The following MAPK10 variants were observed in gnomAD, a reference collection of about 807,000 sequenced individuals.
MAPK10 encodes the protein mitogen-activated protein kinase 10, also known as JNK3 alpha protein kinase.
In MAPK10, 25 loss-of-function variants were observed where a neutral mutation model predicts 59.3. That is an observed-to-expected ratio of 0.42 (90% CI 0.31 to 0.59). MAPK10 has a LOEUF of 0.59. Ranked by LOEUF, MAPK10 falls within the 20% of genes least tolerant of loss-of-function variation. MAPK10 has a pLI of 0.15. For synonymous variants in MAPK10, 190 were observed against 200.5 expected (o/e 0.95, Z 0.44); for missense variants, 351 against 568.9 (o/e 0.62, Z 3.90).
At chr4:86,516,157 G>A (rs1380268566) in intron 1 of MAPK10, among the ~76,000 whole-genome samples, 1 of 151,924 alleles carries the variant, frequency 6.6e-6, no homozygotes, top group African/African-American at 2.4e-5. Flanking sequence ...CCCATTTTAT[G>A]TTTTTGTTTA....
intron 2 of MAPK10, among the ~76,000 whole-genome samples, chr4:86,237,753 T>C (rs2148678155): frequency 6.6e-6 from 1 of 152,324 alleles, no homozygotes; most frequent in Admixed American, 6.5e-5. Context: ...TAGACCTTCG[T>C]CAGATGGGTA....
intron 1 of MAPK10, among the ~76,000 whole-genome samples, chr4:86,511,074 G>T (rs1376353706): frequency 6.6e-6 from 1 of 152,224 alleles, no homozygotes; most frequent in Admixed American, 6.5e-5. Flanking sequence ...AATGTTTGAG[G>T]TGATGGATAT....
chr4:86,528,283 C>T (rs539706241), intron 1 of MAPK10, among the ~76,000 whole-genome samples: 34 of 151,612 alleles, frequency 2.2e-4, no homozygotes, highest in Middle Eastern at 3.4e-3. Context: ...TGCTATAGAA[C>T]TGATATAGAA....
intron 13 of MAPK10, among the ~76,000 whole-genome samples, chr4:86,021,225 C>T (rs964144207): frequency 6.6e-6 from 1 of 151,584 alleles, no homozygotes; most frequent in African/African-American, 2.4e-5. Context: ...TACACAGTGC[C>T]GATTGGTATA....
chr4:86,341,021 A>G (rs1724579188), intron 2 of MAPK10, among the ~76,000 whole-genome samples: 1 of 152,210 alleles, frequency 6.6e-6, no homozygotes, highest in South Asian at 2.1e-4. Context: ...CATTTGGTTC[A>G]TGACCCAAGG....
intron 2 of MAPK10, among the ~76,000 whole-genome samples, chr4:86,289,371 A>G (rs992723318): frequency 1.3e-5 from 2 of 152,112 alleles, no homozygotes; most frequent in African/African-American, 2.4e-5. Context: ...GAAAAATTAT[A>G]TGATCAGATT....
intron 1 of MAPK10, among the ~76,000 whole-genome samples, chr4:86,556,153 T>A (rs1760251066): frequency 6.6e-6 from 1 of 152,162 alleles, no homozygotes; most frequent in Admixed American, 6.5e-5. Context: ...TGAAGAAGGA[T>A]GGGAACAATT....
intron 2 of MAPK10, among the ~76,000 whole-genome samples, chr4:86,226,075 A>G (rs572159171): frequency 1.3e-5 from 2 of 152,236 alleles, no homozygotes; most frequent in Non-Finnish European, 2.9e-5. Context: ...CTTCATATAC[A>G]CTAATCAAAT....
intron 2 of MAPK10, among the ~76,000 whole-genome samples, chr4:86,307,310 G>A (rs1006185131): frequency 4.1e-4 from 63 of 152,202 alleles, no homozygotes; most frequent in African/African-American, 1.3e-3. Flanking sequence ...TTCTGATTTT[G>A]TACCTGAGAG....
intron 4 of MAPK10, among the ~76,000 whole-genome samples, chr4:86,136,443 T>C (rs1210923472): frequency 6.6e-6 from 1 of 151,436 alleles, no homozygotes; most frequent in Non-Finnish European, 1.5e-5. Flanking sequence ...CTAAGCTTCA[T>C]AAGTGAAGGA....
chr4:86,018,499 C>T (rs575432062), intron 13 of MAPK10, among the ~76,000 whole-genome samples: 3 of 152,010 alleles, frequency 2.0e-5, no homozygotes, highest in African/African-American at 7.3e-5. Flanking sequence ...ATCTGTTATG[C>T]GGGAGTATAA....
chr4:86,215,124 A>T (rs2087094399), intron 2 of MAPK10, among the ~76,000 whole-genome samples: 1 of 152,204 alleles, frequency 6.6e-6, no homozygotes, highest in African/African-American at 2.4e-5. Flanking sequence ...ACAATCAATT[A>T]ATTTTCAACC....
intron 2 of MAPK10, among the ~76,000 whole-genome samples, chr4:86,341,928 A>G (rs1365203080): frequency 2.0e-5 from 3 of 152,050 alleles, no homozygotes; most frequent in Non-Finnish European, 4.4e-5. Context: ...GTACCATTTT[A>G]CAGATGAGGA....
chr4:86,538,920 T>C (rs1325259274), intron 1 of MAPK10, among the ~76,000 whole-genome samples: 1 of 152,120 alleles, frequency 6.6e-6, no homozygotes, highest in Non-Finnish European at 1.5e-5. Context: ...GCCTCCTTAA[T>C]AGTAAAGGAA....
intron 1 of MAPK10, among the ~76,000 whole-genome samples, chr4:86,452,542 C>T (rs1177057183): frequency 6.6e-6 from 1 of 152,048 alleles, no homozygotes; most frequent in Non-Finnish European, 1.5e-5. Flanking sequence ...CACACACACG[C>T]AAGTCTGAAA....
intron 1 of MAPK10, among the ~76,000 whole-genome samples, chr4:86,438,767 G>T (rs1688514521): frequency 6.6e-6 from 1 of 151,932 alleles, no homozygotes; most frequent in African/African-American, 2.4e-5. Flanking sequence ...CAGTAAGACT[G>T]AGGGAACCAT....
At chr4:86,404,956 A>G (rs1744175846) in intron 1 of MAPK10, among the ~76,000 whole-genome samples, 1 of 152,244 alleles carries the variant, frequency 6.6e-6, no homozygotes. Context: ...TAGTGATATT[A>G]TCTACTTCAC....
At chr4:86,480,311 C>T (rs1227110767) in intron 1 of MAPK10, among the ~76,000 whole-genome samples, 3 of 139,626 alleles carry the variant, frequency 2.1e-5, no homozygotes, top group African/African-American at 7.4e-5. Context: ...CCACTGAGCA[C>T]CCTGTGACCC....
chr4:86,539,746 AATATTTTC>A (rs1758528495), intron 1 of MAPK10, among the ~76,000 whole-genome samples: 1 of 152,188 alleles, frequency 6.6e-6, no homozygotes, highest in Non-Finnish European at 1.5e-5. Context: ...ATATATGAAG[AATATTTTC>A]AAATTTTAAC....
Sources: allele counts gnomAD v4.1 joint callset (sites outside exome capture counted in the v4.1 genomes callset), GRCh38; gene constraint gnomAD v4.1.1; transcripts MANE v1.5; gene names NCBI Gene and HGNC (gene_info 2026-07-23, HGNC 2026-07-21).